Variants in PPP1R13B observed in about 807,000 individuals in gnomAD.
The protein encoded by PPP1R13B is apoptosis-stimulating of p53 protein 1.
PPP1R13B carries 44 observed loss-of-function variants against 119.8 expected under a neutral mutation model. That is an observed-to-expected ratio of 0.37 (90% CI 0.29 to 0.47). The LOEUF (loss-of-function observed/expected upper bound fraction) is 0.47. PPP1R13B is among the 20% of genes least tolerant of loss of function. The probability of loss-of-function intolerance (pLI) is 0.99; values close to 1 mark genes in which losing one functional copy is unlikely to be tolerated. For synonymous variants in PPP1R13B, 542 were observed against 561.5 expected (o/e 0.97, Z 0.49); for missense variants, 1,227 against 1,413.5 (o/e 0.87, Z 2.12).
chr14:103,848,463 A>G, upstream of PPP1R13B: 1 of 985,340 alleles, frequency 1.0e-6, no homozygotes, highest in Non-Finnish European at 1.2e-6. Context: ...GGGGGTAGGC[A>G]CCCGCTCGGG....
rs1170931584 is a variant in PPP1R13B, at chr14:103,836,440, A to G, written c.9+10859T>C. Among the ~76,000 whole-genome samples, 5 of 152,194 alleles carry G rather than the reference A, an allele frequency of 3.3e-5. No individual in the cohort carries two copies. The East Asian group carries it at 9.6e-4, about 29-fold the overall frequency. Reference sequence around the variant, plus strand: ...ATATAGTGTTATTAAACCCATTTTTACAAATAGGAAAATAAGGCACAAAGG... The same window carrying G: ...ATATAGTGTTATTAAACCCATTTTTGCAAATAGGAAAATAAGGCACAAAGG... On this transcript the variant is annotated intron_variant, in intron 1 of 16. Transcript: ENST00000202556.
intron 3 of PPP1R13B, among the ~76,000 whole-genome samples, chr14:103,780,924 T>C (rs1204493600): frequency 2.0e-5 from 3 of 152,140 alleles, no homozygotes; most frequent in African/African-American, 7.2e-5. Flanking sequence ...CTACTCTCTA[T>C]GCCACCCTTT....
chr14:103,833,910 A>C (rs574836211), intron 1 of PPP1R13B, among the ~76,000 whole-genome samples: 2 of 152,216 alleles, frequency 1.3e-5, no homozygotes, highest in Non-Finnish European at 2.9e-5. Flanking sequence ...CCAGCATGTA[A>C]ATGATGAATC....
chr14:103,841,622 A>T (rs1011493666), intron 1 of PPP1R13B, among the ~76,000 whole-genome samples: 2 of 152,126 alleles, frequency 1.3e-5, no homozygotes, highest in Non-Finnish European at 2.9e-5. Context: ...AAATTTTTTT[A>T]AATATTGTCC....
At chr14:103,774,057 C>A (rs2085127037) in intron 4 of PPP1R13B, among the ~76,000 whole-genome samples, 1 of 152,170 alleles carries the variant, frequency 6.6e-6, no homozygotes, top group African/African-American at 2.4e-5. Context: ...ATAGTCTTTT[C>A]ACCAAATGGT....
intron 11 of PPP1R13B, among the ~76,000 whole-genome samples, chr14:103,741,404 G>T (rs752138635): frequency 6.6e-6 from 1 of 152,210 alleles, no homozygotes; most frequent in Non-Finnish European, 1.5e-5. Context: ...CCAGGGGTCG[G>T]GCTCAGCCAC....
chr14:103,837,048 C>G (rs944606265), intron 1 of PPP1R13B, among the ~76,000 whole-genome samples: 1 of 152,168 alleles, frequency 6.6e-6, no homozygotes, highest in African/African-American at 2.4e-5. Context: ...CACAAGAAAT[C>G]AACACAGACA....
chr14:103,836,658 T>A (rs1159147404), intron 1 of PPP1R13B, among the ~76,000 whole-genome samples: 1 of 151,514 alleles, frequency 6.6e-6, no homozygotes, highest in Non-Finnish European at 1.5e-5. Context: ...TAATCTCAGC[T>A]ACTCGGGAGG....
chr14:103,801,997 G>A (rs1351969072), intron 1 of PPP1R13B, among the ~76,000 whole-genome samples: 1 of 152,162 alleles, frequency 6.6e-6, no homozygotes, highest in African/African-American at 2.4e-5. Flanking sequence ...GAAATAAGTA[G>A]CCTGGAATCT....
At chr14:103,809,879 T>C (rs573160828) in intron 1 of PPP1R13B, among the ~76,000 whole-genome samples, 1 of 151,292 alleles carries the variant, frequency 6.6e-6, no homozygotes, top group Non-Finnish European at 1.5e-5. Flanking sequence ...CAGGCTGGAG[T>C]GCAGTGGCAC....
upstream of PPP1R13B, chr14:103,847,746 G>A (rs147744696): frequency 0.046 from 27,049 of 583,080 alleles, 772 homozygotes; most frequent in Non-Finnish European, 0.054. Flanking sequence ...GCGGCCAGGT[G>A]CGTGCGCGTC....
intron 4 of PPP1R13B, among the ~76,000 whole-genome samples, chr14:103,777,958 C>CTT (rs34091327): frequency 3.3e-4 from 48 of 144,458 alleles, no homozygotes; most frequent in South Asian, 4.4e-4. Flanking sequence ...CCACATCTGA[C>CTT]TTTTTTTTTT....
intron 4 of PPP1R13B, among the ~76,000 whole-genome samples, chr14:103,766,619 G>GT: frequency 6.6e-6 from 1 of 152,118 alleles, no homozygotes; most frequent in East Asian, 1.9e-4. Context: ...TTTTTTGTTT[G>GT]TTTTTTTCAG....
intron 1 of PPP1R13B, among the ~76,000 whole-genome samples, chr14:103,835,586 T>C (rs1344246662): frequency 6.6e-6 from 1 of 151,140 alleles, no homozygotes; most frequent in Non-Finnish European, 1.5e-5. Flanking sequence ...CATGCCACTA[T>C]GTCCTGCTAA....
intron 2 of PPP1R13B, among the ~76,000 whole-genome samples, chr14:103,789,791 G>GGT (rs1486380695): frequency 6.6e-6 from 1 of 151,894 alleles, no homozygotes; most frequent in African/African-American, 2.4e-5. Context: ...TGAGATTACA[G>GGT]GTGTGGGCCA....
chr14:103,829,418 T>TA (rs1280038842), intron 1 of PPP1R13B, among the ~76,000 whole-genome samples: 1 of 152,132 alleles, frequency 6.6e-6, no homozygotes, highest in South Asian at 2.1e-4. Flanking sequence ...TTAATGTTTT[T>TA]AAAAAAAATT....
intron 1 of PPP1R13B, among the ~76,000 whole-genome samples, chr14:103,815,145 G>C (rs1347210182): frequency 6.6e-6 from 1 of 152,090 alleles, no homozygotes; most frequent in Non-Finnish European, 1.5e-5. Context: ...GATGAAGCTT[G>C]GAAACATTAA....
At chr14:103,829,334 T>C (rs1010338139) in intron 1 of PPP1R13B, among the ~76,000 whole-genome samples, 4 of 152,214 alleles carry the variant, frequency 2.6e-5, no homozygotes, top group Non-Finnish European at 5.9e-5. Context: ...CTGTGAAAAC[T>C]TGCTAAATGC....
intron 1 of PPP1R13B, 122 bp from the exon 2 acceptor site, chr14:103,797,640 G>T: frequency 2.2e-6 from 1 of 449,212 alleles, no homozygotes. Context: ...ATTATTTTCT[G>T]GAAATAATAA....
Sources: gnomAD v4.1 joint callset for allele counts (sites outside exome capture counted in the v4.1 genomes callset) on GRCh38, gnomAD v4.1.1 for gene constraint, MANE v1.5 for transcripts, NCBI Gene and HGNC (gene_info 2026-07-23, HGNC 2026-07-21) for gene names.